The following MS4A4E variants were observed in gnomAD, a reference collection of about 807,000 sequenced individuals.
The protein encoded by MS4A4E is membrane spanning 4-domains A4E.
A neutral mutation model predicts 13.3 loss-of-function variants in MS4A4E; 23 were observed. That is an observed-to-expected ratio of 1.73 (90% CI 1.25 to 2.45). The LOEUF is 2.45. MS4A4E is among the 30% of genes most tolerant of loss of function. MS4A4E has a pLI of 0.00. For missense variants in MS4A4E, 144 were observed against 131.2 expected (o/e 1.10, Z -0.48); for synonymous variants, 36 against 45.6 (o/e 0.79, Z 0.85).
At chr11:60,207,994 T>C (rs538189311) in intron 6 of MS4A4E, among the ~76,000 whole-genome samples, 1 of 152,284 alleles carries the variant, frequency 6.6e-6, no homozygotes, top group South Asian at 2.1e-4. Context: ...GACCTCTTCA[T>C]TGTGAAATAT....
rs544438293 is a variant in MS4A4E, at chr11:60,206,673, C to A, written c.484-853G>T. On this transcript the variant is annotated intron_variant, in intron 6 of 8. Coordinates refer to ENST00000651255, the MANE Select transcript of MS4A4E (RefSeq NM_001393391.1). ...CATTCTTCTGTTAATCTTTTGGTGGCATCAAACTGTCTTAAGTGGTGTGGG... is the reference window on the plus strand; with the variant it reads ...CATTCTTCTGTTAATCTTTTGGTGGAATCAAACTGTCTTAAGTGGTGTGGG... The A allele has an allele frequency of 7.5e-4, 172 of 229,636 alleles. 2 individuals carry two copies. In the South Asian group the frequency reaches 0.013, roughly 17 times the overall value. The allele number at this position is 229,636 out of a possible 1,614,324, so 14.2% of individuals were successfully genotyped here.
chr11:60,210,633 TC>T (rs2134923539), intron 5 of MS4A4E, among the ~76,000 whole-genome samples: 1 of 152,364 alleles, frequency 6.6e-6, no homozygotes, highest in South Asian at 2.1e-4. Context: ...AGCATTTCTA[TC>T]TTTTTCTTCC....
intron 7 of MS4A4E, among the ~76,000 whole-genome samples, chr11:60,205,188 C>A (rs1474806859): frequency 6.6e-6 from 1 of 152,126 alleles, no homozygotes; most frequent in Non-Finnish European, 1.5e-5. Context: ...TCTCTAATGA[C>A]TCATATTTCA....
intron 1 of MS4A4E, among the ~76,000 whole-genome samples, chr11:60,240,319 A>G (rs956871766): frequency 3.3e-5 from 5 of 152,114 alleles, no homozygotes; most frequent in African/African-American, 4.8e-5. Context: ...CTACGCAACC[A>G]TTTTTTAACT....
intron 4 of MS4A4E, among the ~76,000 whole-genome samples, chr11:60,214,070 A>T (rs543135070): frequency 6.6e-6 from 1 of 151,924 alleles, no homozygotes; most frequent in Admixed American, 6.6e-5. Flanking sequence ...ACGCCTGGTA[A>T]TTTTTTTGTA....
chr11:60,213,728 T>A (rs553896359), intron 4 of MS4A4E, among the ~76,000 whole-genome samples: 1 of 152,292 alleles, frequency 6.6e-6, no homozygotes, highest in African/African-American at 2.4e-5. Flanking sequence ...AAAACTCAAA[T>A]AGTGTTTAGC....
At chr11:60,228,466 G>T in intron 3 of MS4A4E, 128 bp downstream of exon 3, 1 of 535,590 alleles carries the variant, frequency 1.9e-6, no homozygotes, top group South Asian at 3.2e-5. Flanking sequence ...CAATTATGTA[G>T]AACAGCAGGA....
chr11:60,206,038 G>GTGC (rs1368162520), intron 6 of MS4A4E, among the ~76,000 whole-genome samples: 1 of 152,080 alleles, frequency 6.6e-6, no homozygotes, highest in Non-Finnish European at 1.5e-5. Flanking sequence ...ATGATAGCTT[G>GTGC]TGCACATGCA....
chr11:60,225,225 A>C, intron 3 of MS4A4E: 2 of 852,352 alleles, frequency 2.3e-6, no homozygotes, highest in Non-Finnish European at 3.3e-6. Flanking sequence ...TTCTGTTGTC[A>C]CTCTTTTTTT....
chr11:60,217,275 T>C (rs1341541983), intron 3 of MS4A4E, among the ~76,000 whole-genome samples: 5 of 152,178 alleles, frequency 3.3e-5, no homozygotes, highest in Non-Finnish European at 7.4e-5. Flanking sequence ...AAAAGGTGCA[T>C]GCATAGACTC....
Position 60,223,118 on chromosome 11 carries a change from G to A in MS4A4E, c.178+5476C>T, listed in dbSNP as rs612738. 6.5e-3 allele frequency among the ~76,000 whole-genome samples: 991 copies of A among 151,954 alleles called. 10 individuals are homozygous for A. Among genetic ancestry groups the A allele is most frequent in the African/African-American group, 0.023 (942 of 41,428 alleles). Reference sequence around the variant, plus strand: ...AGGGAATACAGAATCGGTGGTAGAAGAAGGCTGTCATCAATACCAGCTACA... The same window carrying A: ...AGGGAATACAGAATCGGTGGTAGAAAAAGGCTGTCATCAATACCAGCTACA... On this transcript the variant is annotated intron_variant, in intron 3 of 8. Transcript: ENST00000651255.
chr11:60,242,609 T>C (rs1361852119), intron 1 of MS4A4E, among the ~76,000 whole-genome samples: 1 of 152,222 alleles, frequency 6.6e-6, no homozygotes, highest in Non-Finnish European at 1.5e-5. Flanking sequence ...GCATTAACAG[T>C]AGATGAGGTA....
intron 3 of MS4A4E, among the ~76,000 whole-genome samples, chr11:60,227,185 A>T (rs1468229872): frequency 2.6e-5 from 4 of 152,210 alleles, no homozygotes; most frequent in Non-Finnish European, 5.9e-5. Flanking sequence ...GTCCATGGAT[A>T]GGAAGACTCA....
intron 8 of MS4A4E, among the ~76,000 whole-genome samples, chr11:60,203,823 G>A (rs2084011216): frequency 6.6e-6 from 1 of 152,118 alleles, no homozygotes; most frequent in African/African-American, 2.4e-5. Flanking sequence ...AGTTTTCATG[G>A]ACGTTTTCCT....
intron 2 of MS4A4E, among the ~76,000 whole-genome samples, chr11:60,229,254 T>C (rs1159265540): frequency 6.6e-6 from 1 of 152,240 alleles, no homozygotes; most frequent in Non-Finnish European, 1.5e-5. Flanking sequence ...GAACCTAGTA[T>C]GTGCCAACAT....
intron 5 of MS4A4E, among the ~76,000 whole-genome samples, chr11:60,210,283 A>T (rs2084102844): frequency 6.6e-6 from 1 of 152,228 alleles, no homozygotes; most frequent in Non-Finnish European, 1.5e-5. Context: ...CCCAGGCAAG[A>T]ATAGACCCAT....
intron 2 of MS4A4E, among the ~76,000 whole-genome samples, chr11:60,229,136 G>A (rs570454006): frequency 1.2e-4 from 18 of 152,318 alleles, no homozygotes; most frequent in African/African-American, 4.1e-4. Context: ...GTCGGGGCAA[G>A]GGGCATATGG....
At position 60,200,703 on chromosome 11, in the gene MS4A4E, C is replaced by G. The variant is rs1012866809; in HGVS notation, c.*840G>C. Among the ~76,000 whole-genome samples the G allele has an allele frequency of 1.3e-5, 2 of 152,232 alleles. No homozygotes were observed. The highest frequency in any genetic ancestry group is 2.9e-5 in the Non-Finnish European group (2 of 68,042). On this transcript the variant is annotated 3_prime_UTR_variant, in exon 9 of 9. Transcript: ENST00000651255. ...CCATGTCTACTTCTTTCCACACAGA[C>G]AAGGCAACCATCCGATTTCTCAATC... is the stretch of plus-strand genomic sequence containing the variant.
chr11:60,202,553 A>G (rs1471137357), intron 8 of MS4A4E, among the ~76,000 whole-genome samples: 2 of 152,150 alleles, frequency 1.3e-5, no homozygotes. Flanking sequence ...CAGATAGCCA[A>G]CTGAGAGCTA....
Sources: gnomAD v4.1 joint callset for allele counts (sites outside exome capture counted in the v4.1 genomes callset) on GRCh38, gnomAD v4.1.1 for gene constraint, MANE v1.5 for transcripts, NCBI Gene and HGNC (gene_info 2026-07-23, HGNC 2026-07-21) for gene names.